The following WDFY3 variants were observed in gnomAD, a reference collection of about 807,000 sequenced individuals.
WDFY3 encodes WD repeat and FYVE domain-containing protein 3.
A neutral mutation model predicts 409.6 loss-of-function variants in WDFY3; 66 were observed. That is an observed-to-expected ratio of 0.16 (90% CI 0.13 to 0.20). WDFY3 has a LOEUF of 0.20. WDFY3 is among the 10% of genes least tolerant of loss of function. The pLI, the probability that WDFY3 is intolerant of heterozygous loss-of-function variation, is 1.00. For missense variants in WDFY3, 3,031 were observed against 4,298.1 expected, an observed-to-expected ratio of 0.71 and a Z score of 8.24; for synonymous variants, 1,521 against 1,537.1, an observed-to-expected ratio of 0.99 and a Z score of 0.25.
rs762702519 is a variant in WDFY3 at position 84,794,985 on chromosome 4, A to G, written c.3168-6T>C. 5.2e-6 allele frequency: 8 copies of G among 1,538,604 alleles called. No homozygotes were observed. In the Admixed American group the frequency reaches 1.1e-4, roughly 21 times the overall value. On this transcript the variant is annotated splice_polypyrimidine_tract_variant and splice_region_variant and intron_variant, in intron 19 of 67. Coordinates refer to ENST00000295888, the MANE Select transcript of WDFY3 (RefSeq NM_014991.6). ...AACTGGGCAAAAAAAGACATCTATT[A>G]AAGAAAAGACAACATACATATTAGA...
At chr4:84,687,480 GT>G (rs530821532) in intron 62 of WDFY3, among the ~76,000 whole-genome samples, 1 of 151,840 alleles carries the variant, frequency 6.6e-6, no homozygotes, top group Non-Finnish European at 1.5e-5. Context: ...CAAATTTCCT[GT>G]TTTTTAAAAA....
chr4:84,780,634 C>T (rs555487506), intron 25 of WDFY3, among the ~76,000 whole-genome samples: 3 of 151,982 alleles, frequency 2.0e-5, no homozygotes, highest in East Asian at 1.9e-4. Flanking sequence ...CGTGGTTGCA[C>T]GCGCCTACAA....
At chr4:84,946,960 C>A (rs1772924598) in intron 1 of WDFY3, among the ~76,000 whole-genome samples, 1 of 151,690 alleles carries the variant, frequency 6.6e-6, no homozygotes, top group South Asian at 2.1e-4. Context: ...GCACCTGCCA[C>A]CACGCCTGGC....
At chr4:84,691,544 T>C (rs1729263527) in intron 60 of WDFY3, 87 bp downstream of exon 60, 2 of 1,422,824 alleles carry the variant, frequency 1.4e-6, no homozygotes, top group Non-Finnish European at 1.9e-6. Flanking sequence ...GCCCTTGGAC[T>C]GGGTTCTCCC....
At chr4:84,838,531 A>C (rs936492748) in intron 6 of WDFY3, among the ~76,000 whole-genome samples, 3 of 152,206 alleles carry the variant, frequency 2.0e-5, no homozygotes, top group Middle Eastern at 3.2e-3. Context: ...CAGAGCCAGA[A>C]GGAAAGGGTA....
chr4:84,869,934 T>C (rs1761928780), intron 3 of WDFY3, among the ~76,000 whole-genome samples: 1 of 152,156 alleles, frequency 6.6e-6, no homozygotes, highest in Admixed American at 6.5e-5. Flanking sequence ...ACTAATAGGA[T>C]TTCTCTTCAT....
At chr4:84,773,153 C>G (rs1744963004) in intron 29 of WDFY3, among the ~76,000 whole-genome samples, 1 of 151,926 alleles carries the variant, frequency 6.6e-6, no homozygotes, top group Non-Finnish European at 1.5e-5. Flanking sequence ...CAGCATACCA[C>G]CAGCGAGAAA....
At chr4:84,843,481 A>G (rs1331112799) in intron 5 of WDFY3, among the ~76,000 whole-genome samples, 1 of 152,068 alleles carries the variant, frequency 6.6e-6, no homozygotes, top group Admixed American at 6.6e-5. Flanking sequence ...TGCAGCCTCA[A>G]TCTCCTCAAC....
intron 36 of WDFY3, among the ~76,000 whole-genome samples, chr4:84,744,575 C>G (rs1413909439): frequency 2.0e-5 from 3 of 151,942 alleles, no homozygotes; most frequent in Admixed American, 6.6e-5. Flanking sequence ...AAGAAGGGGC[C>G]GGGCGCGGTG....
intron 23 of WDFY3, among the ~76,000 whole-genome samples, chr4:84,787,145 G>A (rs1747695773): frequency 6.6e-6 from 1 of 152,136 alleles, no homozygotes. Context: ...CCTTTAACAG[G>A]GGTGGCTATA....
At chr4:84,870,882 G>C (rs1169290340) in intron 3 of WDFY3, among the ~76,000 whole-genome samples, 1 of 137,764 alleles carries the variant, frequency 7.3e-6, no homozygotes, top group Non-Finnish European at 1.6e-5. Context: ...TACCAACAGG[G>C]CTCTAAAAAA....
chr4:84,882,280 T>C (rs117718258), intron 3 of WDFY3, among the ~76,000 whole-genome samples: 1 of 152,324 alleles, frequency 6.6e-6, no homozygotes, highest in East Asian at 1.9e-4. Context: ...TTAGGATTTA[T>C]GGAGAGTATC....
chr4:84,743,880 TA>T (rs148482200), intron 36 of WDFY3, 81 bp from the exon 37 acceptor site: 30,014 of 872,366 alleles, frequency 0.034, 631 homozygotes, highest in South Asian at 0.052. Flanking sequence ...TTACCTAATA[TA>T]TTAAAAAGAT....
intron 26 of WDFY3, among the ~76,000 whole-genome samples, chr4:84,779,244 T>C (rs1746088703): frequency 6.6e-6 from 1 of 152,236 alleles, no homozygotes; most frequent in Admixed American, 6.5e-5. Context: ...ATTGAAATAC[T>C]ATAATTAAAT....
chr4:84,739,241 G>A, intron 39 of WDFY3, 122 bp from the exon 40 acceptor site: 1 of 931,608 alleles, frequency 1.1e-6, no homozygotes. Context: ...CAGATGCACA[G>A]AACAGAATTC....
intron 2 of WDFY3, among the ~76,000 whole-genome samples, chr4:84,909,351 T>G (rs140504232): frequency 0.01 from 1,568 of 152,188 alleles, 84 homozygotes; most frequent in Admixed American, 0.083. Flanking sequence ...TACTTCATAA[T>G]TCTAAATACC....
chr4:84,763,582 C>T (rs2149376530), intron 32 of WDFY3, among the ~76,000 whole-genome samples: 1 of 140,912 alleles, frequency 7.1e-6, no homozygotes, highest in South Asian at 2.3e-4. Flanking sequence ...AAAAATTTTA[C>T]AAAAACCAAT....
chr4:84,830,786 CTTCT>C (rs1258364409), intron 8 of WDFY3, among the ~76,000 whole-genome samples: 1 of 151,896 alleles, frequency 6.6e-6, no homozygotes, highest in African/African-American at 2.4e-5. Context: ...ATCAAAAAAA[CTTCT>C]TTTTTATTCA....
intron 17 of WDFY3, 43 bp downstream of exon 17, chr4:84,801,607 A>G (rs1228402733): frequency 1.3e-6 from 2 of 1,555,178 alleles, no homozygotes. Flanking sequence ...CTAGAAACTG[A>G]CATTACTAAT....
Sources: gnomAD v4.1 joint callset for allele counts (sites outside exome capture counted in the v4.1 genomes callset) on GRCh38, gnomAD v4.1.1 for gene constraint, MANE v1.5 for transcripts, NCBI Gene and HGNC (gene_info 2026-07-23, HGNC 2026-07-21) for gene names.